SYT12: variants seen among roughly 807,000 people sequenced by gnomAD.
The protein encoded by SYT12 is synaptotagmin 12.
A neutral mutation model predicts 39.5 loss-of-function variants in SYT12; 27 were observed. The observed-to-expected ratio is 0.68, with a 90% CI of 0.50 to 0.94. SYT12 has a LOEUF of 0.94. Ranked by LOEUF, SYT12 falls within the 40% of genes least tolerant of loss-of-function variation. The pLI, the probability that SYT12 is intolerant of heterozygous loss-of-function variation, is 0.00. For missense variants in SYT12, 536 were observed against 572.6 expected (o/e 0.94, Z 0.65); for synonymous variants, 233 against 239.7 (o/e 0.97, Z 0.26).
At chr11:67,034,587 C>G in intron 2 of SYT12, 58 bp from the exon 3 acceptor site, 1 of 1,499,726 alleles carries the variant, frequency 6.7e-7, no homozygotes, top group Non-Finnish European at 8.9e-7. Flanking sequence ...TGCTGCTCCC[C>G]GGGTGGGGGT....
intron 1 of SYT12, 32 bp from the exon 2 acceptor site, chr11:67,030,090 G>A: frequency 6.2e-7 from 1 of 1,606,014 alleles, no homozygotes; most frequent in Non-Finnish European, 8.5e-7. Flanking sequence ...ACTCTCTGCA[G>A]CCCTCTCCTC....
rs200935538 is a variant in SYT12 at position 67,044,607 on chromosome 11, G to T, written c.852G>T (p.Val284=). Reference sequence around the variant, plus strand: ...CTGTCCCCCAGGCCGCCGATGCTGTGGGGGAGATCCTGCTCTCCCTCAGCT... The same window carrying T: ...CTGTCCCCCAGGCCGCCGATGCTGTTGGGGAGATCCTGCTCTCCCTCAGCT... ...LQDQNKAADA[V]GEILLSLSYL... Residue 284 remains valine (V), a synonymous_variant, in exon 6 of 8, where the codon GTG becomes GTT. Transcript: ENST00000527043. 17 of 1,612,980 alleles carry T rather than the reference G, an allele frequency of 1.1e-5. No homozygotes were observed. The highest frequency in any genetic ancestry group is 5.5e-5 in the South Asian group (5 of 90,958).
upstream of SYT12, among the ~76,000 whole-genome samples, chr11:67,021,174 A>G (rs1446738516): frequency 2.6e-5 from 4 of 152,086 alleles, no homozygotes; most frequent in African/African-American, 4.8e-5. Flanking sequence ...TCAACATTCT[A>G]TCCTTGTCTT....
At chr11:67,038,042 C>CA (rs373112616) in intron 3 of SYT12, among the ~76,000 whole-genome samples, 10,133 of 98,100 alleles carry the variant, frequency 0.1, 751 homozygotes, top group Admixed American at 0.31. Flanking sequence ...GACCCTGTCT[C>CA]AAAAAAAAAA....
chr11:67,032,397 C>T (rs1950286311), intron 2 of SYT12: 1 of 152,232 alleles, frequency 6.6e-6, no homozygotes, highest in African/African-American at 2.4e-5. Context: ...GGGATTTTCC[C>T]TTTAGAATAA....
intron 3 of SYT12, among the ~76,000 whole-genome samples, chr11:67,036,864 G>T (rs1050866346): frequency 6.6e-6 from 1 of 152,048 alleles, no homozygotes; most frequent in African/African-American, 2.4e-5. Context: ...ACCTGAGGTC[G>T]TGAGTTTGAG....
intron 1 of SYT12, 123 bp from the exon 2 acceptor site, chr11:67,029,999 C>A: frequency 1.3e-6 from 1 of 742,628 alleles, no homozygotes; most frequent in Non-Finnish European, 2.2e-6. Context: ...CCTTTGGTGG[C>A]ACTCCCCTTA....
At chr11:67,010,482 C>T (rs752451157) in intron 2 of SYT12, among the ~76,000 whole-genome samples, 11 of 152,224 alleles carry the variant, frequency 7.2e-5, no homozygotes, top group African/African-American at 1.4e-4. Context: ...CAGTAACCCT[C>T]GGGTCCCCCC....
intron 2 of SYT12, among the ~76,000 whole-genome samples, chr11:67,010,445 A>G (rs903954660): frequency 2.0e-5 from 3 of 152,186 alleles, no homozygotes; most frequent in East Asian, 3.8e-4. Flanking sequence ...GTGTCCAGAC[A>G]GTGGACAACA....
chr11:67,014,924 A>T (rs1950044572), intron 3 of SYT12, among the ~76,000 whole-genome samples: 1 of 151,848 alleles, frequency 6.6e-6, no homozygotes, highest in Non-Finnish European at 1.5e-5. Flanking sequence ...GGCTGGAATG[A>T]AGTAAAAAAA....
chr11:67,048,595 C>A lies in SYT12; in HGVS notation c.1104C>A (p.Leu368=), dbSNP rs762974825. Residue 368 remains leucine, a synonymous_variant, in exon 8 of 8, where the codon CTC becomes CTA. Transcript: ENST00000527043. ...TGCCTCTTCCTCAGGACCTGTCTCT[C>A]CGCGTGACGGTGGCTGAGAGCAGCA... The part of the protein sequence containing the change: ...VPAIVLQDLS[L]RVTVAESSSD... 3.1e-5 allele frequency: 49 copies of A among 1,601,294 alleles called. No individual in the cohort carries two copies. The South Asian group carries it at 4.6e-4, about 15-fold the overall frequency.
In SYT12 at chr11:67,023,174, C is replaced by T. The variant is rs1036984318; in HGVS notation, c.-310C>T. Among the ~76,000 whole-genome samples, 5 of 152,150 alleles carry T rather than the reference C, an allele frequency of 3.3e-5. No homozygotes were observed. Among genetic ancestry groups the T allele is most frequent in the Admixed American group, 3.3e-4 (5 of 15,280 alleles). ...CCCAGGAGCAGAGACAGCGCTCGAG[C>T]TTGTCACTTTAAATTCAAGAGGGAG... On this transcript the variant is annotated 5_prime_UTR_variant, in exon 1 of 8. Transcript: ENST00000527043.
chr11:67,019,722 AC>A (rs1565328042), upstream of SYT12, among the ~76,000 whole-genome samples: 2 of 151,684 alleles, frequency 1.3e-5, no homozygotes. Flanking sequence ...ACGTGGCAAA[AC>A]CCTGTCTCTA....
rs896120158 is a variant in SYT12, at chr11:67,050,188, C to G, written c.*1431C>G. ...TACTGGCATCAGTCTTTGGTTACCC[C>G]CCAGCCCCAGTAGGAGGAGAGCAGG... On this transcript the variant is annotated 3_prime_UTR_variant, in exon 8 of 8. Transcript: ENST00000527043. 1 of 152,234 alleles carries G rather than the reference C, an allele frequency of 6.6e-6. No homozygotes were observed. The highest frequency in any genetic ancestry group is 1.9e-4 in the East Asian group (1 of 5,180). The allele number at this position is 152,234 out of a possible 1,614,324, so 9.4% of individuals were successfully genotyped here. A position where few individuals can be genotyped will look rare whatever the true frequency, so the allele number is the denominator to read the frequency against.
At chr11:67,032,288 A>C (rs909129629) in intron 2 of SYT12, 1 of 152,250 alleles carries the variant, frequency 6.6e-6, no homozygotes, top group Non-Finnish European at 1.5e-5. Flanking sequence ...CAGAGCCACC[A>C]GCCCTCACTG....
intron 6 of SYT12, chr11:67,045,504 C>A (rs1048481151): frequency 1.8e-6 from 1 of 552,210 alleles, no homozygotes; most frequent in Non-Finnish European, 3.2e-6. Context: ...AGGAGGGGAG[C>A]GCGTGGGCTG....
rs1236017021 is a variant in SYT12, at chr11:67,048,575, C to T, written c.1093-9C>T. On this transcript the variant is annotated splice_polypyrimidine_tract_variant and intron_variant, in intron 7 of 7. Transcript: ENST00000527043. ...CTGGTCCTCAGCACCCATGTTGCCTCTTCCTCAGGACCTGTCTCTCCGCGT... is the reference window on the plus strand; with the variant it reads ...CTGGTCCTCAGCACCCATGTTGCCTTTTCCTCAGGACCTGTCTCTCCGCGT... The T allele has an allele frequency of 1.3e-6, 2 of 1,589,320 alleles. No homozygotes were observed. Among genetic ancestry groups the T allele is most frequent in the African/African-American group, 2.7e-5 (2 of 74,522 alleles).
At chr11:67,022,259 C>T (rs541652528), upstream of SYT12, among the ~76,000 whole-genome samples, 1 of 152,138 alleles carries the variant, frequency 6.6e-6, no homozygotes, top group Non-Finnish European at 1.5e-5. Context: ...CTCTAAAGGC[C>T]CAGAGTGTAG....
intron 3 of SYT12, among the ~76,000 whole-genome samples, chr11:67,035,842 CTTTCTTTCTTT>C (rs1565337435): frequency 1.2e-3 from 109 of 93,988 alleles, no homozygotes; most frequent in Admixed American, 1.8e-3. Context: ...TCCTTCCTTT[CTTTCTTTCTTT>C]CTTTCTTTCT....
Sources: gnomAD v4.1 joint callset for allele counts (sites outside exome capture counted in the v4.1 genomes callset) on GRCh38, gnomAD v4.1.1 for gene constraint, MANE v1.5 for transcripts, NCBI Gene and HGNC (gene_info 2026-07-23, HGNC 2026-07-21) for gene names.